The following FRMD3 variants were observed in gnomAD, a reference collection of about 807,000 sequenced individuals.
FRMD3 encodes the protein FERM domain containing 3, also known as FERM domain-containing protein 3.
FRMD3 carries 33 observed loss-of-function variants against 70.2 expected under a neutral mutation model. That is an observed-to-expected ratio of 0.47 (90% CI 0.36 to 0.63). The LOEUF (loss-of-function observed/expected upper bound fraction) is 0.63, where lower values mean the gene tolerates loss of function less well. Ranked by LOEUF, FRMD3 falls within the 20% of genes least tolerant of loss-of-function variation. FRMD3 has a pLI of 0.00. For synonymous variants in FRMD3, 279 were observed against 255.9 expected (o/e 1.09, Z -0.86); for missense variants, 632 against 711.4 (o/e 0.89, Z 1.27).
At chr9:83,429,281 T>C (rs1008705844) in intron 1 of FRMD3, among the ~76,000 whole-genome samples, 23 of 152,192 alleles carry the variant, frequency 1.5e-4, no homozygotes, top group African/African-American at 3.9e-4. Flanking sequence ...AGGTACTCTG[T>C]ACAATGAGAG....
intron 13 of FRMD3, chr9:83,281,589 T>C (rs1316382267): frequency 1.3e-5 from 2 of 152,182 alleles, no homozygotes; most frequent in African/African-American, 2.4e-5. Context: ...TGCTACTGAA[T>C]TGCTTCCACG....
chr9:83,370,815 G>A (rs1028364093), intron 3 of FRMD3, among the ~76,000 whole-genome samples: 6 of 152,132 alleles, frequency 3.9e-5, no homozygotes, highest in African/African-American at 1.4e-4. Flanking sequence ...GGGAGGCTGA[G>A]GCACAAGAAT....
intron 12 of FRMD3, among the ~76,000 whole-genome samples, 193 bp downstream of exon 12, chr9:83,298,555 A>G (rs1834768892): frequency 6.6e-6 from 1 of 152,244 alleles, no homozygotes; most frequent in Non-Finnish European, 1.5e-5. Flanking sequence ...GACTCTCCTG[A>G]GAGCACATAA....
At chr9:83,416,587 CTAAA>C (rs1306149035) in intron 1 of FRMD3, among the ~76,000 whole-genome samples, 1 of 152,214 alleles carries the variant, frequency 6.6e-6, no homozygotes, top group East Asian at 1.9e-4. Context: ...TAAATGTATG[CTAAA>C]TAAATAAGCA....
intron 1 of FRMD3, among the ~76,000 whole-genome samples, chr9:83,523,807 G>A (rs1161512772): frequency 6.6e-6 from 1 of 152,168 alleles, no homozygotes; most frequent in African/African-American, 2.4e-5. Flanking sequence ...CCAAGAAAGT[G>A]CCATCTATAC....
At chr9:83,439,320 C>G (rs1827231812) in intron 1 of FRMD3, among the ~76,000 whole-genome samples, 1 of 152,194 alleles carries the variant, frequency 6.6e-6, no homozygotes, top group South Asian at 2.1e-4. Flanking sequence ...GACCAATGGC[C>G]AAGGGAAGCT....
the FRMD3 span, among the ~76,000 whole-genome samples, chr9:83,573,898 A>C: frequency 6.6e-6 from 1 of 152,138 alleles, no homozygotes; most frequent in East Asian, 1.9e-4. Context: ...CAAAAGTGAC[A>C]AAAGGGCTGT....
chr9:83,583,459 AT>A, the FRMD3 span, among the ~76,000 whole-genome samples: 1 of 152,090 alleles, frequency 6.6e-6, no homozygotes, highest in Non-Finnish European at 1.5e-5. Context: ...TTTCTATTAT[AT>A]TTTTTCCAAA....
chr9:83,260,316 T>C (rs867696514), intron 13 of FRMD3, among the ~76,000 whole-genome samples: 60 of 152,196 alleles, frequency 3.9e-4, no homozygotes, highest in African/African-American at 1.3e-3. Context: ...CGGAGGTTTG[T>C]ATCCATGCCT....
At chr9:83,418,344 C>G (rs1406276559) in intron 1 of FRMD3, among the ~76,000 whole-genome samples, 1 of 151,820 alleles carries the variant, frequency 6.6e-6, no homozygotes, top group South Asian at 2.1e-4. Flanking sequence ...AACAGACAAC[C>G]CACAGAAAGG....
chr9:83,303,898 CCCT>C (rs1268319379), intron 10 of FRMD3, among the ~76,000 whole-genome samples: 2 of 152,192 alleles, frequency 1.3e-5, no homozygotes, highest in African/African-American at 4.8e-5. Context: ...TCCCTGATTC[CCCT>C]CCTCATCTCA....
chr9:83,575,039 C>A, the FRMD3 span, among the ~76,000 whole-genome samples: 13 of 152,290 alleles, frequency 8.5e-5, no homozygotes, highest in East Asian at 1.7e-3. Flanking sequence ...AAGCTCGCCA[C>A]TGACTGCAAC....
chr9:83,531,616 C>T (rs1829793277), intron 1 of FRMD3, among the ~76,000 whole-genome samples: 1 of 152,142 alleles, frequency 6.6e-6, no homozygotes, highest in Admixed American at 6.6e-5. Flanking sequence ...GTTGAATTGT[C>T]CTTACTAGCA....
At chr9:83,554,836 G>A in the FRMD3 span, among the ~76,000 whole-genome samples, 10 of 152,156 alleles carry the variant, frequency 6.6e-5, no homozygotes, top group South Asian at 4.1e-4. Context: ...ATGGGATCAG[G>A]CACCCACGTC....
chr9:83,481,037 T>C (rs1373943072), intron 1 of FRMD3, among the ~76,000 whole-genome samples: 1 of 152,058 alleles, frequency 6.6e-6, no homozygotes. Context: ...TGAAAACACA[T>C]AGATGCAAGA....
At chr9:83,550,172 A>G in the FRMD3 span, among the ~76,000 whole-genome samples, 1 of 152,184 alleles carries the variant, frequency 6.6e-6, no homozygotes, top group Non-Finnish European at 1.5e-5. Context: ...GCATATGGCT[A>G]GCCAGTTATC....
At chr9:83,377,516 C>T (rs1201381895) in intron 2 of FRMD3, among the ~76,000 whole-genome samples, 1 of 152,158 alleles carries the variant, frequency 6.6e-6, no homozygotes, top group Non-Finnish European at 1.5e-5. Context: ...GATTGGATCA[C>T]AGGAGCAGAT....
At chr9:83,248,684 C>T (rs1340851574) in intron 13 of FRMD3, among the ~76,000 whole-genome samples, 168 bp from the exon 14 acceptor site, 3 of 152,146 alleles carry the variant, frequency 2.0e-5, no homozygotes, top group African/African-American at 4.8e-5. Context: ...AGACCCTGTA[C>T]CATAAGTTCA....
chr9:83,448,018 T>C (rs955602307), intron 1 of FRMD3, among the ~76,000 whole-genome samples: 6 of 152,182 alleles, frequency 3.9e-5, no homozygotes, highest in African/African-American at 1.4e-4. Context: ...AAGTCACAAG[T>C]GCTCCATGCC....
Sources: allele counts gnomAD v4.1 joint callset (sites outside exome capture counted in the v4.1 genomes callset), GRCh38; gene constraint gnomAD v4.1.1; transcripts MANE v1.5; gene names NCBI Gene and HGNC (gene_info 2026-07-23, HGNC 2026-07-21).